Variants in DMD observed in about 807,000 individuals in gnomAD.
DMD encodes the protein dystrophin.
DMD carries 63 observed loss-of-function variants against 330.1 expected under a neutral mutation model. The observed-to-expected ratio is 0.19, with a 90% CI of 0.16 to 0.24. DMD has a LOEUF of 0.24. DMD is among the 10% of genes least tolerant of loss of function. The pLI is 1.00. For missense variants in DMD, 3,344 were observed against 2,684.1 expected (o/e 1.25, Z -5.43); for synonymous variants, 1,223 against 959.8 (o/e 1.27, Z -5.07).
chrX:32,406,386 G>C (rs774639765), intron 30 of DMD, among the ~76,000 whole-genome samples: 1 of 110,322 alleles, frequency 9.1e-6, no homozygotes, highest in South Asian at 3.9e-4. Flanking sequence ...ATTGGCTGTG[G>C]GTTCATCATA....
At chrX:32,076,744 G>A (rs1009639608) in intron 44 of DMD, among the ~76,000 whole-genome samples, 1 of 111,207 alleles carries the variant, frequency 9.0e-6, no homozygotes, top group Admixed American at 9.5e-5. Context: ...ACATTATAGA[G>A]GCATGAGAGG....
At chrX:31,897,095 C>G (rs1296934072) in intron 47 of DMD, among the ~76,000 whole-genome samples, 1 of 108,450 alleles carries the variant, frequency 9.2e-6, no homozygotes, top group Non-Finnish European at 1.9e-5. Context: ...ACAACAGTCC[C>G]CAGAGTGTGA....
At chrX:31,122,920 T>C (rs919612803) in intron 78 of DMD, among the ~76,000 whole-genome samples, 2 of 112,121 alleles carry the variant, frequency 1.8e-5, no homozygotes, top group Non-Finnish European at 3.8e-5. Flanking sequence ...CCCATAGTTT[T>C]ACATGGCTAA....
chrX:31,411,338 T>C (rs1267667118), intron 60 of DMD, among the ~76,000 whole-genome samples: 1 of 111,621 alleles, frequency 9.0e-6, no homozygotes, highest in East Asian at 2.8e-4. Context: ...TTAGGTTTTC[T>C]TAGCCTGTGT....
intron 2 of DMD, among the ~76,000 whole-genome samples, chrX:32,875,324 G>A (rs894509056): frequency 8.9e-6 from 1 of 111,880 alleles, no homozygotes; most frequent in Non-Finnish European, 1.9e-5. Flanking sequence ...AATTTCCCCA[G>A]TGCCTGTCCT....
At chrX:32,986,898 G>C (rs762262576) in intron 2 of DMD, among the ~76,000 whole-genome samples, 1 of 112,378 alleles carries the variant, frequency 8.9e-6, no homozygotes, top group African/African-American at 3.2e-5. Context: ...TAGGGAATGG[G>C]AATGCATTTT....
At chrX:31,825,808 T>C (rs1683985057) in intron 49 of DMD, among the ~76,000 whole-genome samples, 1 of 111,943 alleles carries the variant, frequency 8.9e-6, no homozygotes, top group African/African-American at 3.2e-5. Context: ...CCTAATTCAC[T>C]ACTACTGGTT....
At chrX:32,287,352 G>C (rs912363344) in intron 43 of DMD, among the ~76,000 whole-genome samples, 177 bp downstream of exon 43, 1 of 111,638 alleles carries the variant, frequency 9.0e-6, no homozygotes, top group Non-Finnish European at 1.9e-5. Context: ...CTACAGTTCA[G>C]CTCATTTGTC....
At chrX:32,326,581 A>G in intron 41 of DMD, among the ~76,000 whole-genome samples, 1 of 112,366 alleles carries the variant, frequency 8.9e-6, no homozygotes, top group Non-Finnish European at 1.9e-5. Context: ...GGCATTATGT[A>G]TTAAACACTT....
chrX:32,294,684 G>T (rs1300075176), intron 42 of DMD, among the ~76,000 whole-genome samples: 1 of 111,348 alleles, frequency 9.0e-6, no homozygotes, highest in East Asian at 2.8e-4. Context: ...ATAGCTCCTT[G>T]GTGCATTCTC....
intron 62 of DMD, chrX:31,266,847 G>A (rs773295068): frequency 2.5e-6 from 3 of 1,204,600 alleles, no homozygotes; most frequent in Admixed American, 4.4e-5. Context: ...AGGGCTCCGC[G>A]GTCGAGTGTG....
chrX:31,234,944 T>TA (rs202214305), intron 63 of DMD, among the ~76,000 whole-genome samples: 1,300 of 106,369 alleles, frequency 0.012, 25 homozygotes, highest in African/African-American at 0.044. Context: ...GGATTCTAGC[T>TA]AAAAAAAACT....
At chrX:31,799,089 C>G (rs1000094446) in intron 50 of DMD, among the ~76,000 whole-genome samples, 2 of 111,936 alleles carry the variant, frequency 1.8e-5, no homozygotes, top group African/African-American at 6.5e-5. Flanking sequence ...CTTCTCTGTA[C>G]TGAGTCTTGC....
chrX:31,984,233 T>C (rs926843469), intron 44 of DMD, among the ~76,000 whole-genome samples: 2 of 112,092 alleles, frequency 1.8e-5, no homozygotes, highest in Admixed American at 1.9e-4. Context: ...GAATAAACAA[T>C]GTGGATCAAA....
chrX:32,205,886 T>G (rs1412666819), intron 44 of DMD: 1 of 321,262 alleles, frequency 3.1e-6, no homozygotes, highest in Non-Finnish European at 5.6e-6. Flanking sequence ...AAGTGCGTCC[T>G]GCCACCTGAT....
At chrX:32,427,092 C>G (rs2098216324) in intron 29 of DMD, among the ~76,000 whole-genome samples, 2 of 111,434 alleles carry the variant, frequency 1.8e-5, no homozygotes, top group Admixed American at 1.9e-4. Flanking sequence ...GCATATATAC[C>G]CAGAACATAA....
chrX:31,340,691 ATTAT>A (rs1285692656), intron 61 of DMD, among the ~76,000 whole-genome samples: 1 of 112,304 alleles, frequency 8.9e-6, no homozygotes, highest in Admixed American at 9.4e-5. Flanking sequence ...AAAAGGTCAC[ATTAT>A]TTATTGAGTG....
intron 1 of DMD, among the ~76,000 whole-genome samples, chrX:33,093,692 T>C (rs2095115777): frequency 9.0e-6 from 1 of 111,687 alleles, no homozygotes. Context: ...TTTACTCAAT[T>C]GTAACATGTT....
At chrX:31,267,115 G>GA (rs1420994370) in intron 62 of DMD, among the ~76,000 whole-genome samples, 2 of 109,890 alleles carry the variant, frequency 1.8e-5, no homozygotes, top group African/African-American at 6.6e-5. Flanking sequence ...GAGAAAGAAA[G>GA]AAAGAAAGAA....
Sources: gnomAD v4.1 joint callset for allele counts (sites outside exome capture counted in the v4.1 genomes callset) on GRCh38, gnomAD v4.1.1 for gene constraint, MANE v1.5 for transcripts, NCBI Gene and HGNC (gene_info 2026-07-23, HGNC 2026-07-21) for gene names.